Variants in SAXO2 observed in about 807,000 individuals in gnomAD.
SAXO2 encodes the protein stabilizer of axonemal microtubules 2.
In SAXO2, 17 loss-of-function variants were observed where a neutral mutation model predicts 18.7. The observed-to-expected ratio is 0.91, with a 90% CI of 0.62 to 1.36. The LOEUF (loss-of-function observed/expected upper bound fraction) is 1.36. Among genes scored for constraint, SAXO2 ranks in the 40% most tolerant of loss-of-function variants. The pLI is 0.00. For synonymous variants in SAXO2, 163 were observed against 181.2 expected (o/e 0.90, Z 0.81); for missense variants, 486 against 562.6 (o/e 0.86, Z 1.38).
At chr15:82,266,441 C>A (rs1193812725) in intron 2 of SAXO2, among the ~76,000 whole-genome samples, 7 of 152,198 alleles carry the variant, frequency 4.6e-5, no homozygotes, top group African/African-American at 9.6e-5. Context: ...TAATATAAAC[C>A]AGAATCCTTA....
intron 3 of SAXO2, among the ~76,000 whole-genome samples, chr15:82,275,106 C>T (rs1257989392): frequency 3.3e-5 from 5 of 151,570 alleles, no homozygotes. Flanking sequence ...CACAGAAATA[C>T]AGAAGATCCT....
At chr15:82,267,017 A>G (rs1001471852) in intron 2 of SAXO2, among the ~76,000 whole-genome samples, 3 of 152,212 alleles carry the variant, frequency 2.0e-5, no homozygotes, top group Non-Finnish European at 4.4e-5. Flanking sequence ...CTGTTAATGT[A>G]TGTGCTGTAT....
chr15:82,280,228 C>T (rs1362911784), intron 3 of SAXO2, among the ~76,000 whole-genome samples: 4 of 152,006 alleles, frequency 2.6e-5, no homozygotes, highest in Non-Finnish European at 4.4e-5. Flanking sequence ...CTATTGTATG[C>T]TATCACATCC....
rs1263083339 is a variant in SAXO2 at position 82,282,033 on chromosome 15, C to T, written c.434-86C>T. 4 of 1,024,242 alleles carry T rather than the reference C, an allele frequency of 3.9e-6. No individual in the cohort carries two copies. In the African/African-American group the frequency reaches 6.5e-5, roughly 17 times the overall value. The allele number at this position is 1,024,242 out of a possible 1,614,324, so 63.4% of individuals were successfully genotyped here. A position where few individuals can be genotyped will look rare whatever the true frequency, so the allele number is the denominator to read the frequency against. ...CTAAAGGAAATGGAAAGATGTTTGGCAATGAGAGAAGTCAGTTATGATTTT... is the reference window on the plus strand; with the variant it reads ...CTAAAGGAAATGGAAAGATGTTTGGTAATGAGAGAAGTCAGTTATGATTTT... On this transcript the variant is annotated intron_variant, in intron 3 of 3. Transcript: ENST00000682753.
At chr15:82,265,013 A>G (rs192825687) in intron 1 of SAXO2, 19 of 476,452 alleles carry the variant, frequency 4.0e-5, no homozygotes, top group African/African-American at 3.2e-4. Flanking sequence ...TTCAGCTTCT[A>G]TAGTGTAAGA....
intron 3 of SAXO2, 153 bp downstream of exon 3, chr15:82,271,955 A>G: frequency 4.8e-6 from 3 of 618,962 alleles, no homozygotes; most frequent in Middle Eastern, 8.7e-4. Context: ...ATAGTATTGT[A>G]TAGTAACAAA....
intron 2 of SAXO2, among the ~76,000 whole-genome samples, chr15:82,270,529 A>G (rs1378813832): frequency 6.6e-6 from 1 of 152,204 alleles, no homozygotes; most frequent in Admixed American, 6.5e-5. Flanking sequence ...TAATTAGTCT[A>G]AGAAGTTATG....
intron 2 of SAXO2, among the ~76,000 whole-genome samples, chr15:82,268,141 GT>G (rs1364739348): frequency 6.6e-6 from 1 of 152,130 alleles, no homozygotes; most frequent in African/African-American, 2.4e-5. Flanking sequence ...AATGGGAATG[GT>G]TGTTCTTTTT....
At position 82,283,125 on chromosome 15, in the gene SAXO2, AT is replaced by A; in HGVS notation, c.*68del. The A allele has an allele frequency of 1.8e-6, 2 of 1,140,246 alleles. No individual in the cohort carries two copies. The highest frequency in any genetic ancestry group is 2.3e-6 in the Non-Finnish European group (2 of 865,492). 70.6% of individuals were successfully genotyped at this position (1,140,246 alleles called of 1,614,324 possible). A position where few individuals can be genotyped will look rare whatever the true frequency, so the allele number is the denominator to read the frequency against. ...TGTTGTTTTTCCAAGAGAAAACTCA[AT>A]TTTTATAGTTAAAAAATTTATGATA... is the stretch of plus-strand genomic sequence containing the variant. On this transcript the variant is annotated 3_prime_UTR_variant, in exon 4 of 4. Transcript: ENST00000682753.
intron 2 of SAXO2, among the ~76,000 whole-genome samples, chr15:82,267,009 G>A (rs1385326401): frequency 1.3e-5 from 2 of 152,186 alleles, no homozygotes. Flanking sequence ...TATTTAAACT[G>A]TTAATGTATG....
At position 82,283,242 on chromosome 15, in the gene SAXO2, T is replaced by C. The variant is rs192537811; in HGVS notation, c.*180T>C. On this transcript the variant is annotated 3_prime_UTR_variant, in exon 4 of 4. Transcript: ENST00000682753. ...TTAAAACCATTTTTTATTGATATTT[T>C]AATCAAGATTGTTCTTTAATGTGCA... 84 of 416,702 alleles carry C rather than the reference T, an allele frequency of 2.0e-4. No homozygotes were observed. Among genetic ancestry groups the C allele is most frequent in the Non-Finnish European group, 3.0e-4 (75 of 247,268 alleles). 25.8% of individuals were successfully genotyped at this position (416,702 alleles called of 1,614,324 possible). A position where few individuals can be genotyped will look rare whatever the true frequency, so the allele number is the denominator to read the frequency against.
Position 82,282,526 on chromosome 15 carries a change from A to G in SAXO2, c.841A>G (p.Ser281Gly), listed in dbSNP as rs554248036. The change falls in exon 4 of 4, where the codon AGT (serine) becomes GGT (glycine). Residue 281 changes from serine (S) to glycine (G), a missense_variant. Coordinates refer to ENST00000682753, the MANE Select transcript of SAXO2 (RefSeq NM_001348699.2). ...LFEGSTEFRESFQPWEIPPPE... is the reference protein window; with the variant it reads ...LFEGSTEFREGFQPWEIPPPE... The stretch of plus-strand genomic sequence containing the variant: ...TGAAGGAAGCACTGAATTCCGTGAA[A>G]GTTTTCAACCATGGGAAATCCCACC... 1.2e-6 allele frequency: 2 copies of G among 1,614,160 alleles called. No homozygotes were observed. Among genetic ancestry groups the G allele is most frequent in the East Asian group, 2.2e-5 (1 of 44,884 alleles).
In SAXO2 at chr15:82,284,111, A is replaced by C. The variant is rs2075391091; in HGVS notation, c.*1049A>C. On this transcript the variant is annotated 3_prime_UTR_variant, in exon 4 of 4. Coordinates refer to ENST00000682753, the MANE Select transcript of SAXO2 (RefSeq NM_001348699.2). ...TTTTGAGCATCAGACTGTATGGTAC[A>C]TTTTAATCCTTAAAGTACAAATGTG... The C allele has an allele frequency of 6.6e-6, 1 of 152,246 alleles. No homozygotes were observed. The highest frequency in any genetic ancestry group is 2.4e-5 in the African/African-American group (1 of 41,454). 9.4% of individuals were successfully genotyped at this position (152,246 alleles called of 1,614,324 possible). A position where few individuals can be genotyped will look rare whatever the true frequency, so the allele number is the denominator to read the frequency against.
chr15:82,274,493 G>A (rs1210925975), intron 3 of SAXO2, among the ~76,000 whole-genome samples: 2 of 151,922 alleles, frequency 1.3e-5, no homozygotes, highest in Admixed American at 6.6e-5. Context: ...CACAAGGTCA[G>A]GAGTTTGAGA....
At chr15:82,281,097 A>C (rs1262319309) in intron 3 of SAXO2, among the ~76,000 whole-genome samples, 1 of 152,228 alleles carries the variant, frequency 6.6e-6, no homozygotes, top group African/African-American at 2.4e-5. Flanking sequence ...CTGTGTAATA[A>C]ATTTCTATCT....
chr15:82,271,556 G>A lies in SAXO2; in HGVS notation c.234-47G>A, dbSNP rs759349039. ...TTTCCATACTTCATTGAAATAATTAGGAATAAAAGAACTTGTGAGGCTATG... is the reference window on the plus strand; with the variant it reads ...TTTCCATACTTCATTGAAATAATTAAGAATAAAAGAACTTGTGAGGCTATG... On this transcript the variant is annotated intron_variant, in intron 2 of 3. Coordinates refer to ENST00000682753, the MANE Select transcript of SAXO2 (RefSeq NM_001348699.2). 2.8e-6 allele frequency: 4 copies of A among 1,443,256 alleles called. No individual in the cohort carries two copies. The East Asian group carries it at 9.3e-5, about 33-fold the overall frequency. 89.4% of individuals were successfully genotyped at this position (1,443,256 alleles called of 1,614,324 possible).
chr15:82,265,217 T>C (rs1294974747), intron 1 of SAXO2, among the ~76,000 whole-genome samples: 1 of 152,232 alleles, frequency 6.6e-6, no homozygotes, highest in Admixed American at 6.5e-5. Context: ...CTTGGCTCAC[T>C]GCAAGCTCCG....
Position 82,282,435 on chromosome 15 carries a change from T to C in SAXO2, c.750T>C (p.Gly250=). ...CAACTCACCGGTGTGACTTTCAGGG[T>C]CTCATTGGTGAAACTGCAAAACTCT... ...DLTTHRCDFQ[G]LIGETAKLCR... The change falls in exon 4 of 4, where the codon GGT becomes GGC. Residue 250 remains glycine, a synonymous_variant. Coordinates refer to ENST00000682753, the MANE Select transcript of SAXO2 (RefSeq NM_001348699.2). 1.2e-6 allele frequency: 2 copies of C among 1,613,942 alleles called. No individual in the cohort carries two copies. Among genetic ancestry groups the C allele is most frequent in the Non-Finnish European group, 1.7e-6 (2 of 1,179,900 alleles).
At chr15:82,273,074 T>G (rs979633776) in intron 3 of SAXO2, among the ~76,000 whole-genome samples, 3 of 151,070 alleles carry the variant, frequency 2.0e-5, no homozygotes, top group Non-Finnish European at 3.0e-5. Context: ...CCTAGCTAAT[T>G]TTTGTACTTT....
Sources: gnomAD v4.1 joint callset for allele counts (sites outside exome capture counted in the v4.1 genomes callset) on GRCh38, gnomAD v4.1.1 for gene constraint, MANE v1.5 for transcripts, NCBI Gene and HGNC (gene_info 2026-07-23, HGNC 2026-07-21) for gene names.